Variants in MIPEP observed in about 807,000 individuals in gnomAD.
The protein encoded by MIPEP is mitochondrial intermediate peptidase.
MIPEP carries 79 observed loss-of-function variants against 90.3 expected under a neutral mutation model. The observed-to-expected ratio is 0.87, with a 90% CI of 0.73 to 1.05. The LOEUF (loss-of-function observed/expected upper bound fraction) is 1.05. Ranked by LOEUF, MIPEP falls within the 50% of genes least tolerant of loss-of-function variation. The pLI, the probability that MIPEP is intolerant of heterozygous loss-of-function variation, is 0.00. For missense variants in MIPEP, 940 were observed against 905.6 expected (o/e 1.04, Z -0.49); for synonymous variants, 334 against 315.8 (o/e 1.06, Z -0.61).
chr13:23,780,445 C>T (rs1460177360), intron 16 of MIPEP, among the ~76,000 whole-genome samples: 3 of 152,110 alleles, frequency 2.0e-5, no homozygotes, highest in African/African-American at 7.2e-5. Flanking sequence ...ACACCAAAAC[C>T]CCATCTGTAC....
At chr13:23,888,061 T>C in intron 1 of MIPEP, 1 of 411,988 alleles carries the variant, frequency 2.4e-6, no homozygotes, top group South Asian at 1.8e-5. Context: ...CAAAAATCAA[T>C]TCTAAAATTT....
intron 2 of MIPEP, among the ~76,000 whole-genome samples, chr13:23,882,998 A>G (rs1871328677): frequency 6.6e-6 from 1 of 152,188 alleles, no homozygotes; most frequent in South Asian, 2.1e-4. Flanking sequence ...GTATTAAAAA[A>G]GAAAACAAAA....
chr13:23,865,674 T>C (rs75220688), intron 7 of MIPEP, among the ~76,000 whole-genome samples: 953 of 5,006 alleles, frequency 0.19, 11 homozygotes, highest in African/African-American at 0.37. Context: ...CTCAATTAAT[T>C]TTTTTTTTTT....
chr13:23,856,998 A>C (rs931401574), intron 10 of MIPEP, among the ~76,000 whole-genome samples: 2 of 151,928 alleles, frequency 1.3e-5, no homozygotes. Flanking sequence ...TAAAAATTAG[A>C]ATATTTAATA....
chr13:23,810,060 C>T (rs1029687464), intron 14 of MIPEP, 136 bp from the exon 15 acceptor site: 2 of 514,762 alleles, frequency 3.9e-6, no homozygotes, highest in Non-Finnish European at 3.4e-6. Flanking sequence ...AAAATAATAA[C>T]TTTAAATATT....
chr13:23,755,218 T>G (rs150994225), intron 18 of MIPEP, among the ~76,000 whole-genome samples: 1 of 152,344 alleles, frequency 6.6e-6, no homozygotes, highest in Non-Finnish European at 1.5e-5. Context: ...ATGGAATGAA[T>G]GCAGTCTCCA....
At chr13:23,745,476 C>T (rs889360080) in intron 18 of MIPEP, among the ~76,000 whole-genome samples, 5 of 152,176 alleles carry the variant, frequency 3.3e-5, no homozygotes, top group African/African-American at 1.2e-4. Context: ...AATTTCAATT[C>T]TTCAACTAAA....
intron 10 of MIPEP, among the ~76,000 whole-genome samples, chr13:23,846,301 CTGCT>C (rs1869537244): frequency 6.6e-6 from 1 of 151,918 alleles, no homozygotes. Flanking sequence ...GGGGGAATAG[CTGCT>C]ATTAGTAGTA....
chr13:23,783,685 T>C (rs1248538629), intron 16 of MIPEP, among the ~76,000 whole-genome samples: 1 of 152,190 alleles, frequency 6.6e-6, no homozygotes, highest in East Asian at 1.9e-4. Context: ...ATGACATGAT[T>C]GTATATTTAG....
chr13:23,785,325 T>C (rs1952826619), intron 16 of MIPEP, among the ~76,000 whole-genome samples: 1 of 152,144 alleles, frequency 6.6e-6, no homozygotes, highest in Non-Finnish European at 1.5e-5. Context: ...AATGATGAGT[T>C]CATGTCCTTT....
Position 23,730,399 on chromosome 13 carries a change from G to C in MIPEP, c.2091C>G (p.Leu697=), listed in dbSNP as rs199730267. ...CGAAGTCCAGATCCAAGTCGGAAAC[G>C]AGGGCACTTACGAAGTCATCAACAG... is the stretch of plus-strand genomic sequence containing the variant. The part of the protein sequence containing the change: ...CPSVDDFVSA[L]VSDLDLDFET... The change falls in exon 19 of 19, where the codon CTC becomes CTG. Residue 697 remains leucine, a synonymous_variant. Coordinates refer to ENST00000382172, the MANE Select transcript of MIPEP (RefSeq NM_005932.4). The C allele has an allele frequency of 1.2e-6, 2 of 1,612,802 alleles. No individual in the cohort carries two copies. Among genetic ancestry groups the C allele is most frequent in the South Asian group, 2.2e-5 (2 of 90,946 alleles).
chr13:23,789,774 C>G (rs1952882031), intron 16 of MIPEP, among the ~76,000 whole-genome samples: 1 of 152,194 alleles, frequency 6.6e-6, no homozygotes, highest in Non-Finnish European at 1.5e-5. Flanking sequence ...CCTACGCCCT[C>G]GTGCTCTGCT....
At chr13:23,744,880 G>A (rs554661670) in intron 18 of MIPEP, among the ~76,000 whole-genome samples, 1 of 152,328 alleles carries the variant, frequency 6.6e-6, no homozygotes, top group African/African-American at 2.4e-5. Context: ...TGGAATGCAC[G>A]TGCATCAAAA....
chr13:23,832,627 A>G (rs1372781236), intron 14 of MIPEP, among the ~76,000 whole-genome samples: 1 of 152,162 alleles, frequency 6.6e-6, no homozygotes, highest in Non-Finnish European at 1.5e-5. Flanking sequence ...GTAAAAATCT[A>G]CAAGCACTGA....
rs780533096 is a variant in MIPEP at position 23,886,338 on chromosome 13, C to G, written c.358G>C (p.Asp120His). ...TCTGAGGTAAAGCACCTTACCAAGT[C>G]GGCCACTCTGCATAAGGAATCCGAG... The part of the protein sequence containing the change: ...ELSDSLCRVA[D>H]LADFVKIAHP... The change falls in exon 2 of 19, where the codon GAC (aspartate) becomes CAC (histidine). Residue 120 changes from aspartate (D) to histidine (H), a missense_variant. Asp to His is a moderately conservative substitution (Grantham distance 81, BLOSUM62 -1). Transcript: ENST00000382172. 1.3e-6 allele frequency: 2 copies of G among 1,532,114 alleles called. No homozygotes were observed. The highest frequency in any genetic ancestry group is 1.4e-5 in the African/African-American group (1 of 71,822). The allele number at this position is 1,532,114 out of a possible 1,614,324, so 94.9% of individuals were successfully genotyped here.
chr13:23,805,850 T>C, intron 16 of MIPEP, 100 bp downstream of exon 16: 1 of 1,294,810 alleles, frequency 7.7e-7, no homozygotes, highest in African/African-American at 1.5e-5. Flanking sequence ...AACATAAATG[T>C]AGGGATTTCA....
intron 18 of MIPEP, among the ~76,000 whole-genome samples, chr13:23,740,336 C>T (rs528166298): frequency 5.7e-4 from 87 of 152,036 alleles, no homozygotes; most frequent in African/African-American, 2.0e-3. Context: ...ATCCCAGTAC[C>T]AGCCCCATGA....
rs572628611 is a variant in MIPEP, at chr13:23,739,349, C to G, written c.2045-8904G>C. On this transcript the variant is annotated intron_variant, in intron 18 of 18. Coordinates refer to ENST00000382172, the MANE Select transcript of MIPEP (RefSeq NM_005932.4). Reference sequence around the variant, plus strand: ...GTGCCCTTTGGAGATGAAGGCAGTCCTTTTATTTAAAAAGTTAAAAAGCAG... The same window carrying G: ...GTGCCCTTTGGAGATGAAGGCAGTCGTTTTATTTAAAAAGTTAAAAAGCAG... Among the ~76,000 whole-genome samples the G allele has an allele frequency of 5.3e-5, 8 of 152,310 alleles. No individual in the cohort carries two copies. The South Asian group carries it at 1.7e-3, about 32-fold the overall frequency.
At position 23,881,766 on chromosome 13, in the gene MIPEP, G is replaced by A. The variant is rs1871279345; in HGVS notation, c.385C>T (p.His129Tyr). Residue 129 changes from histidine (H) to tyrosine (Y), a missense_variant, in exon 3 of 19, where the codon CAC becomes TAC. By Grantham distance (83) the His-to-Tyr change is moderately conservative. Transcript: ENST00000382172. ...ADLADFVKIAHPEPAFREAAE... is the reference protein window; with the variant it reads ...ADLADFVKIAYPEPAFREAAE... ...GCTTCTCTGAATGCTGGCTCAGGGT[G>A]AGCGATTTTCACAAAATCAGCCTAA... 1.2e-6 allele frequency: 2 copies of A among 1,613,774 alleles called. No individual in the cohort carries two copies. Among genetic ancestry groups the A allele is most frequent in the South Asian group, 1.1e-5 (1 of 90,958 alleles).
Sources: gnomAD v4.1 joint callset for allele counts (sites outside exome capture counted in the v4.1 genomes callset) on GRCh38, gnomAD v4.1.1 for gene constraint, MANE v1.5 for transcripts, NCBI Gene and HGNC (gene_info 2026-07-23, HGNC 2026-07-21) for gene names.